MLXIPL: variants seen among roughly 807,000 people sequenced by gnomAD.
MLXIPL encodes carbohydrate-responsive element-binding protein.
In MLXIPL, 49 loss-of-function variants were observed where a neutral mutation model predicts 81.5. That is an observed-to-expected ratio of 0.60 (90% CI 0.48 to 0.76). The LOEUF is 0.76. MLXIPL is among the 30% of genes least tolerant of loss of function. The pLI is 0.00. For synonymous variants in MLXIPL, 466 were observed against 485.5 expected (o/e 0.96, Z 0.53); for missense variants, 1,053 against 1,167.0 (o/e 0.90, Z 1.42).
upstream of MLXIPL, chr7:73,624,641 C>T: frequency 1.5e-6 from 2 of 1,347,886 alleles, no homozygotes; most frequent in Non-Finnish European, 9.5e-7. Context: ...CTTGTATTAG[C>T]ATAATCCTTA....
chr7:73,624,372 A>G lies in MLXIPL; in HGVS notation c.121T>C (p.Leu41=). ...DPSLRRSAGG[L]LRSQVIHSGH... is the part of the protein sequence containing the mutation. The stretch of plus-strand genomic sequence containing the variant: ...CTGTGGATGACCTGCGAGCGGAGCA[A>G]GCCGCCCGCGCTGCGCCGGAGACTC... Residue 41 remains leucine, a synonymous_variant, in exon 1 of 17, where the codon TTG becomes CTG. Transcript: ENST00000313375. The G allele has an allele frequency of 6.3e-7, 1 of 1,575,638 alleles. No homozygotes were observed. Among genetic ancestry groups the G allele is most frequent in the South Asian group, 1.1e-5 (1 of 87,114 alleles).
At position 73,607,523 on chromosome 7, in the gene MLXIPL, G is replaced by A. The variant is rs1024048641; in HGVS notation, c.483+67C>T. On this transcript the variant is annotated intron_variant, in intron 3 of 16. Coordinates refer to ENST00000313375, the MANE Select transcript of MLXIPL (RefSeq NM_032951.3). ...CTGTCTGCTCAGCGCAAGGCTACAG[G>A]AGGCAGGGGCTGGTCTTGGTGGGTG... is the stretch of plus-strand genomic sequence containing the variant. 3.7e-5 allele frequency: 58 copies of A among 1,582,332 alleles called. No homozygotes were observed. In the African/African-American group the frequency reaches 6.7e-4, roughly 18 times the overall value.
intron 8 of MLXIPL, among the ~76,000 whole-genome samples, chr7:73,599,039 G>A (rs1342005147): frequency 1.3e-5 from 2 of 150,844 alleles, no homozygotes; most frequent in Non-Finnish European, 2.9e-5. Flanking sequence ...CTGCACTCGA[G>A]CCTAGGCGAC....
At position 73,599,452 on chromosome 7, in the gene MLXIPL, C is replaced by T. The variant is rs1794605871; in HGVS notation, c.1071+74G>A. ...TGGGCACTCAGGGAGTGTCTGATAC[C>T]TCCTGGACATGAACAGGGCAGGAAC... On this transcript the variant is annotated intron_variant, in intron 8 of 16. Coordinates refer to ENST00000313375, the MANE Select transcript of MLXIPL (RefSeq NM_032951.3). The T allele has an allele frequency of 3.2e-6, 5 of 1,565,468 alleles. No individual in the cohort carries two copies. The African/African-American group carries it at 4.1e-5, about 13-fold the overall frequency.
chr7:73,628,275 C>T (rs889116413), upstream of MLXIPL, among the ~76,000 whole-genome samples: 5 of 152,072 alleles, frequency 3.3e-5, no homozygotes, highest in African/African-American at 7.2e-5. Context: ...TGGATCTGAG[C>T]GGGTGGGAAG....
chr7:73,637,043 G>C, the MLXIPL span, among the ~76,000 whole-genome samples: 1 of 140,832 alleles, frequency 7.1e-6, no homozygotes, highest in East Asian at 2.0e-4. Context: ...CTGGGCAACA[G>C]AGCGAGATTC....
chr7:73,645,888 A>C, the MLXIPL span, among the ~76,000 whole-genome samples: 1 of 152,120 alleles, frequency 6.6e-6, no homozygotes, highest in Non-Finnish European at 1.5e-5. Flanking sequence ...TAAAATGGAG[A>C]TCTTTTCCTT....
chr7:73,633,373 C>G, the MLXIPL span, among the ~76,000 whole-genome samples: 1 of 147,954 alleles, frequency 6.8e-6, no homozygotes, highest in Non-Finnish European at 1.5e-5. Flanking sequence ...AAGATGAAGT[C>G]TCACTCTGTC....
rs369163675 is a variant in MLXIPL at position 73,623,846 on chromosome 7, G to A, written c.293+354C>T. The stretch of plus-strand genomic sequence containing the variant: ...AGTGGGGATGGGCGCGGGTGGCCTA[G>A]GGACCAGGGGCGCCTGGCATTTTTG... On this transcript the variant is annotated intron_variant, in intron 1 of 16. Transcript: ENST00000313375. The surrounding 1 kb of genome is among the most constrained non-coding windows in gnomAD (Gnocchi z 5.7). Among the ~76,000 whole-genome samples, 64 of 152,038 alleles carry A rather than the reference G, an allele frequency of 4.2e-4. No homozygotes were observed. The highest frequency in any genetic ancestry group is 1.5e-3 in the African/African-American group (61 of 41,502).
upstream of MLXIPL, among the ~76,000 whole-genome samples, chr7:73,628,580 C>A (rs1465984239): frequency 1.3e-5 from 2 of 152,290 alleles, no homozygotes; most frequent in Middle Eastern, 3.4e-3. Flanking sequence ...ACTGCAGCCT[C>A]AAACTCCTGG....
chr7:73,599,597 C>T lies in MLXIPL; in HGVS notation c.1000G>A (p.Gly334Arg), dbSNP rs782620201. 2.5e-6 allele frequency: 4 copies of T among 1,612,566 alleles called. No individual in the cohort carries two copies. The highest frequency in any genetic ancestry group is 1.7e-4 in the Middle Eastern group (1 of 6,040). Reference protein sequence around the residue: ...SPVVDSLFSSGTLGPEVPPAS... With the variant: ...SPVVDSLFSSRTLGPEVPPAS... The stretch of plus-strand genomic sequence containing the variant: ...GGGGGCACCTCTGGGCCCAGGGTCC[C>T]ACTGCTGAAGAGGGAGTCAACCACG... Residue 334 changes from glycine to arginine, a missense_variant, in exon 8 of 17, where the codon GGG becomes AGG. By Grantham distance (125) the Gly-to-Arg change is moderately radical. This residue lies in a region of MLXIPL where 823 missense variants were observed against 933.0 expected (regional missense o/e 0.88). Coordinates refer to ENST00000313375, the MANE Select transcript of MLXIPL (RefSeq NM_032951.3).
intron 7 of MLXIPL, among the ~76,000 whole-genome samples, chr7:73,603,379 G>A (rs1584102098): frequency 6.6e-6 from 1 of 152,206 alleles, no homozygotes; most frequent in East Asian, 1.9e-4. Context: ...CCAGGTGGGG[G>A]TGGCTGGGCT....
intron 7 of MLXIPL, among the ~76,000 whole-genome samples, chr7:73,601,258 G>A (rs190326243): frequency 1.0e-4 from 15 of 150,530 alleles, no homozygotes; most frequent in South Asian, 2.1e-4. Context: ...AGATAGAATC[G>A]TGCTATGTTG....
upstream of MLXIPL, chr7:73,624,654 C>T (rs1232064780): frequency 1.1e-5 from 14 of 1,307,894 alleles, no homozygotes; most frequent in East Asian, 6.1e-5. Context: ...AATCCTTACG[C>T]CAGGTGAGAA....
intron 15 of MLXIPL, 63 bp downstream of exon 15, chr7:73,595,574 C>T (rs997944063): frequency 1.9e-6 from 3 of 1,613,588 alleles, no homozygotes; most frequent in Non-Finnish European, 1.7e-6. Context: ...ATCCCAGGCC[C>T]AGCCTGGTCT....
At chr7:73,602,167 T>C (rs146932486) in intron 7 of MLXIPL, among the ~76,000 whole-genome samples, 79 of 22,712 alleles carry the variant, frequency 3.5e-3, no homozygotes, top group African/African-American at 7.2e-3. Flanking sequence ...TTCCTTCCTT[T>C]CTTTCCCTCT....
chr7:73,601,633 C>T (rs765925237), intron 7 of MLXIPL, among the ~76,000 whole-genome samples: 4 of 152,140 alleles, frequency 2.6e-5, no homozygotes, highest in East Asian at 1.9e-4. Flanking sequence ...TGGGTTCAAA[C>T]GATTCTCATG....
At chr7:73,614,637 G>A (rs1554600403) in intron 2 of MLXIPL, among the ~76,000 whole-genome samples, 1 of 152,098 alleles carries the variant, frequency 6.6e-6, no homozygotes, top group African/African-American at 2.4e-5. Flanking sequence ...AGTCCTCTCT[G>A]CCTCTGCTGC....
Position 73,605,976 on chromosome 7 carries a change from T to C in MLXIPL, c.754A>G (p.Ile252Val), listed in dbSNP as rs1554597922. 1 of 1,592,982 alleles carries C rather than the reference T, an allele frequency of 6.3e-7. No individual in the cohort carries two copies. The highest frequency in any genetic ancestry group is 2.3e-5 in the East Asian group (1 of 44,144). The change falls in exon 6 of 17, where the codon ATC (isoleucine) becomes GTC (valine). Residue 252 changes from isoleucine (I) to valine (V), a missense_variant. This residue lies in a region of MLXIPL where 823 missense variants were observed against 933.0 expected (regional missense o/e 0.88). Transcript: ENST00000313375. Reference protein sequence around the residue: ...LLDLNCFLSDISDTLFTMTQS... With the variant: ...LLDLNCFLSDVSDTLFTMTQS... Reference sequence around the variant, plus strand: ...GTCATGGTGAAGAGAGTGTCTGAGATGTCGGACAAAAAGCAATTGAGGTCC... The same window carrying C: ...GTCATGGTGAAGAGAGTGTCTGAGACGTCGGACAAAAAGCAATTGAGGTCC...
Sources: allele counts gnomAD v4.1 joint callset (sites outside exome capture counted in the v4.1 genomes callset), GRCh38; gene constraint gnomAD v4.1.1; regional missense constraint gnomAD v4.1.1; non-coding constraint Gnocchi (gnomAD v3.1); transcripts MANE v1.5; gene names NCBI Gene and HGNC (gene_info 2026-07-23, HGNC 2026-07-21).